The following AKAP6 variants were observed in gnomAD, a reference collection of about 807,000 sequenced individuals.
The protein encoded by AKAP6 is A-kinase anchor protein 6.
AKAP6 carries 58 observed loss-of-function variants against 188.5 expected under a neutral mutation model. The observed-to-expected ratio is 0.31, with a 90% CI of 0.25 to 0.38. The LOEUF (loss-of-function observed/expected upper bound fraction) is 0.38, where lower values mean the gene tolerates loss of function less well. AKAP6 is among the 10% of genes least tolerant of loss of function. AKAP6 has a pLI of 1.00. For missense variants in AKAP6, 2,710 were observed against 2,740.0 expected, an observed-to-expected ratio of 0.99 and a Z score of 0.24; for synonymous variants, 989 against 998.6, an observed-to-expected ratio of 0.99 and a Z score of 0.18.
chr14:32,536,372 A>G (rs60685515), intron 3 of AKAP6, among the ~76,000 whole-genome samples: 4,975 of 152,294 alleles, frequency 0.033, 259 homozygotes, highest in African/African-American at 0.11. Flanking sequence ...AGGACATGGC[A>G]TTATCAAATA....
At chr14:32,438,325 A>G (rs1371204832) in intron 2 of AKAP6, among the ~76,000 whole-genome samples, 1 of 151,630 alleles carries the variant, frequency 6.6e-6, no homozygotes, top group African/African-American at 2.4e-5. Flanking sequence ...TTTTTGTTGT[A>G]CTCCTTCTTT....
intron 11 of AKAP6, among the ~76,000 whole-genome samples, chr14:32,740,296 T>C (rs542497356): frequency 6.6e-6 from 1 of 152,236 alleles, no homozygotes; most frequent in East Asian, 1.9e-4. Context: ...AGATGGGTAG[T>C]TTGCAAATAT....
At chr14:32,422,963 T>C (rs1394656381) in intron 1 of AKAP6, among the ~76,000 whole-genome samples, 1 of 152,208 alleles carries the variant, frequency 6.6e-6, no homozygotes, top group Non-Finnish European at 1.5e-5. Flanking sequence ...GATTTAGTTT[T>C]TGTGAGTTGG....
chr14:32,778,916 T>TA (rs58146403), intron 12 of AKAP6, among the ~76,000 whole-genome samples: 92,679 of 148,988 alleles, frequency 0.62, 29,240 homozygotes, highest in East Asian at 0.79. Flanking sequence ...TAGAATCATT[T>TA]AAAAAAAAAT....
rs187419408 is a variant in AKAP6 at position 32,436,606 on chromosome 14, C to T, written c.324+2789C>T. ...TCTTGCTGCTTCTTTTACCTTTAGC[C>T]TTGCAGTTTATTCTCCACCCAGTAG... On this transcript the variant is annotated intron_variant, in intron 2 of 13. Transcript: ENST00000280979. Among the ~76,000 whole-genome samples, 129 of 152,294 alleles carry T rather than the reference C, an allele frequency of 8.5e-4. 2 individuals carry two copies. The highest frequency in any genetic ancestry group is 8.4e-3 in the Admixed American group (129 of 15,286).
intron 1 of AKAP6, among the ~76,000 whole-genome samples, chr14:32,342,576 C>T (rs543020600): frequency 5.3e-5 from 8 of 152,216 alleles, no homozygotes; most frequent in African/African-American, 1.7e-4. Context: ...CTCATGAAGC[C>T]CCTCCTATCT....
Position 32,829,966 on chromosome 14 carries a change from C to T in AKAP6, c.*161C>T. On this transcript the variant is annotated 3_prime_UTR_variant, in exon 14 of 14. Coordinates refer to ENST00000280979, the MANE Select transcript of AKAP6 (RefSeq NM_004274.5). ...ACTTCTCCCAAGATGAATCTTCCTT[C>T]CAAATGTGTTTTCTCCACACAAGCC... 1 of 702,682 alleles carries T rather than the reference C, an allele frequency of 1.4e-6. No homozygotes were observed. Among genetic ancestry groups the T allele is most frequent in the Admixed American group, 2.0e-5 (1 of 49,996 alleles). The allele number at this position is 702,682 out of a possible 1,614,324, so 43.5% of individuals were successfully genotyped here. A position where few individuals can be genotyped will look rare whatever the true frequency, so the allele number is the denominator to read the frequency against.
chr14:32,364,838 G>T (rs1887778563), intron 1 of AKAP6, among the ~76,000 whole-genome samples: 1 of 152,124 alleles, frequency 6.6e-6, no homozygotes, highest in African/African-American at 2.4e-5. Context: ...CCACAGTGGG[G>T]TCCCTTTTCT....
intron 7 of AKAP6, among the ~76,000 whole-genome samples, chr14:32,621,859 A>G (rs1248371533): frequency 2.6e-5 from 4 of 152,118 alleles, no homozygotes; most frequent in Non-Finnish European, 5.9e-5. Context: ...TATCCTAGGC[A>G]TACCAGTTAT....
At chr14:32,751,311 A>G (rs998371825) in intron 11 of AKAP6, among the ~76,000 whole-genome samples, 3 of 152,122 alleles carry the variant, frequency 2.0e-5, no homozygotes, top group Non-Finnish European at 2.9e-5. Context: ...TTTACCTCAC[A>G]TATAAACAAT....
intron 2 of AKAP6, among the ~76,000 whole-genome samples, chr14:32,526,735 G>A (rs1261846977): frequency 6.6e-6 from 1 of 152,194 alleles, no homozygotes; most frequent in Non-Finnish European, 1.5e-5. Context: ...TTAGAAAAGT[G>A]TATTTGCTAG....
intron 1 of AKAP6, among the ~76,000 whole-genome samples, chr14:32,346,900 G>T (rs1594524435): frequency 1.3e-5 from 2 of 152,316 alleles, no homozygotes; most frequent in African/African-American, 4.8e-5. Flanking sequence ...GTTTGGGGTG[G>T]TGATAGTTAC....
intron 11 of AKAP6, among the ~76,000 whole-genome samples, chr14:32,747,469 A>G (rs934492392): frequency 1.3e-5 from 2 of 152,230 alleles, no homozygotes; most frequent in African/African-American, 2.4e-5. Context: ...TCTACATATC[A>G]TAGATACATT....
chr14:32,400,424 C>T lies in AKAP6; in HGVS notation c.-34-33036C>T, dbSNP rs569608069. 2.0e-5 allele frequency among the ~76,000 whole-genome samples: 3 copies of T among 151,948 alleles called. No individual in the cohort carries two copies. In the East Asian group the frequency reaches 5.8e-4, roughly 29 times the overall value. ...GTTTGAGTCCTTGTTTTCCAGATTT[C>T]TCTTTTTGTTGGGACTTTGAGGGTT... On this transcript the variant is annotated intron_variant, in intron 1 of 13. Coordinates refer to ENST00000280979, the MANE Select transcript of AKAP6 (RefSeq NM_004274.5).
chr14:32,423,149 C>T (rs117187160), intron 1 of AKAP6, among the ~76,000 whole-genome samples: 1 of 152,078 alleles, frequency 6.6e-6, no homozygotes, highest in East Asian at 1.9e-4. Context: ...AGAAATTGCC[C>T]AGGCCTCTCC....
At chr14:32,551,161 A>G (rs910440387) in intron 4 of AKAP6, among the ~76,000 whole-genome samples, 3 of 152,128 alleles carry the variant, frequency 2.0e-5, no homozygotes, top group Non-Finnish European at 2.9e-5. Flanking sequence ...GATCATTGTC[A>G]GCTGCTTTTG....
At chr14:32,649,522 GAA>G (rs1214760450) in intron 7 of AKAP6, among the ~76,000 whole-genome samples, 4 of 152,118 alleles carry the variant, frequency 2.6e-5, no homozygotes, top group African/African-American at 9.7e-5. Context: ...GGCATAAAGT[GAA>G]AAGTTACAAT....
Position 32,615,591 on chromosome 14 carries a change from C to CTTTTTTTTTTTTTT in AKAP6, c.2730+14808_2730+14821dup, listed in dbSNP as rs779867395. On this transcript the variant is annotated intron_variant, in intron 7 of 13. Transcript: ENST00000280979. The stretch of plus-strand genomic sequence containing the variant: ...TGTTTCCCCCAATGCTAAACCATTA[C>CTTTTTTTTTTTTTT]TTTTTTTTTTTTTTTTTTTTTTGAG... 1.8e-4 allele frequency among the ~76,000 whole-genome samples: 21 copies of CTTTTTTTTTTTTTT among 115,262 alleles called. 2 individuals are homozygous for CTTTTTTTTTTTTTT. Among genetic ancestry groups the CTTTTTTTTTTTTTT allele is most frequent in the African/African-American group, 7.7e-4 (20 of 26,050 alleles). 75.6% of individuals were successfully genotyped at this position (115,262 alleles called of 152,430 possible).
intron 12 of AKAP6, among the ~76,000 whole-genome samples, chr14:32,820,837 G>C (rs950327289): frequency 2.0e-5 from 3 of 152,130 alleles, no homozygotes; most frequent in South Asian, 2.1e-4. Context: ...AGAGGAAGGG[G>C]GGGTACACAG....
Sources: allele counts gnomAD v4.1 joint callset (sites outside exome capture counted in the v4.1 genomes callset), GRCh38; gene constraint gnomAD v4.1.1; transcripts MANE v1.5; gene names NCBI Gene and HGNC (gene_info 2026-07-23, HGNC 2026-07-21).